GRID2: variants seen among roughly 807,000 people sequenced by gnomAD.
The protein encoded by GRID2 is glutamate receptor ionotropic, delta-2.
A neutral mutation model predicts 114.8 loss-of-function variants in GRID2; 33 were observed. The ratio of observed to expected loss-of-function variants is 0.29; its 90% CI spans 0.22 to 0.38. GRID2 has a LOEUF of 0.38. Ranked by LOEUF, GRID2 falls within the 10% of genes least tolerant of loss-of-function variation. GRID2 has a pLI of 1.00. For synonymous variants in GRID2, 505 were observed against 449.9 expected, an observed-to-expected ratio of 1.12 and a Z score of -1.55; for missense variants, 1,184 against 1,257.7, an observed-to-expected ratio of 0.94 and a Z score of 0.89.
intron 2 of GRID2, among the ~76,000 whole-genome samples, chr4:92,858,050 G>A (rs771501397): frequency 5.3e-5 from 8 of 152,088 alleles, no homozygotes; most frequent in Non-Finnish European, 1.0e-4. Flanking sequence ...GCCCACTTTT[G>A]GAGACATAGT....
intron 2 of GRID2, among the ~76,000 whole-genome samples, chr4:92,899,662 A>G (rs1004796275): frequency 6.6e-6 from 1 of 152,216 alleles, no homozygotes; most frequent in African/African-American, 2.4e-5. Context: ...TCAGACCAAA[A>G]AATAAGCAAA....
chr4:92,482,008 ATATATATATATATATATATATATAT>A (rs1722630118), intron 1 of GRID2, among the ~76,000 whole-genome samples: 3 of 63,656 alleles, frequency 4.7e-5, no homozygotes, highest in South Asian at 1.0e-3. Flanking sequence ...ATATATATAT[ATATATATATATATATATATATATAT>A]AAAATAACAA....
At chr4:92,921,170 T>C (rs566124200) in intron 2 of GRID2, among the ~76,000 whole-genome samples, 1 of 152,310 alleles carries the variant, frequency 6.6e-6, no homozygotes, top group Non-Finnish European at 1.5e-5. Context: ...ATTCATCATG[T>C]AGTTCTCATG....
Position 92,461,433 on chromosome 4 carries a change from G to C in GRID2, c.89-128698G>C, listed in dbSNP as rs541942014. 1.3e-3 allele frequency among the ~76,000 whole-genome samples: 196 copies of C among 152,056 alleles called. 1 individual carries two copies. The highest frequency in any genetic ancestry group is 4.3e-3 in the African/African-American group (180 of 41,520). Reference sequence around the variant, plus strand: ...CCTATTGACAATGTTAACTGAGGACGTGTTGTGTTTGCCATTTTTTTCTAG... The same window carrying C: ...CCTATTGACAATGTTAACTGAGGACCTGTTGTGTTTGCCATTTTTTTCTAG... On this transcript the variant is annotated intron_variant, in intron 1 of 15. Transcript: ENST00000282020.
At chr4:93,042,295 C>A (rs200893420) in intron 2 of GRID2, among the ~76,000 whole-genome samples, 362 of 95,154 alleles carry the variant, frequency 3.8e-3, no homozygotes, top group Non-Finnish European at 5.0e-3. Context: ...CTCTCTCTCT[C>A]TCTCTATATA....
chr4:93,294,009 G>A (rs2149152884), intron 8 of GRID2, among the ~76,000 whole-genome samples: 1 of 152,270 alleles, frequency 6.6e-6, no homozygotes, highest in South Asian at 2.1e-4. Flanking sequence ...CAGGGACAAT[G>A]GATAGTGAAT....
At chr4:93,316,435 A>AAAGC (rs967768370) in intron 8 of GRID2, among the ~76,000 whole-genome samples, 2 of 152,004 alleles carry the variant, frequency 1.3e-5, no homozygotes, top group African/African-American at 4.8e-5. Flanking sequence ...AAGAAAGAAA[A>AAAGC]AAGCCTTTTG....
chr4:93,022,114 C>A (rs1366992332), intron 2 of GRID2, among the ~76,000 whole-genome samples: 1 of 151,642 alleles, frequency 6.6e-6, no homozygotes, highest in Non-Finnish European at 1.5e-5. Flanking sequence ...AAAAATCTTT[C>A]CATAGATATT....
rs148256415 is a variant in GRID2 at position 92,826,966 on chromosome 4, C to A, written c.244+236680C>A. Among the ~76,000 whole-genome samples, 829 of 152,058 alleles carry A rather than the reference C, an allele frequency of 5.5e-3. 13 individuals carry two copies. Among genetic ancestry groups the A allele is most frequent in the African/African-American group, 0.019 (789 of 41,522 alleles). On this transcript the variant is annotated intron_variant, in intron 2 of 15. Transcript: ENST00000282020. ...GAGTTCATTGATATGTTTCAGGTTC[C>A]ATATTCTAACTGAGATAGGAGTTTT...
chr4:93,292,255 G>A (rs1302663040), intron 8 of GRID2, among the ~76,000 whole-genome samples: 1 of 152,130 alleles, frequency 6.6e-6, no homozygotes, highest in Non-Finnish European at 1.5e-5. Flanking sequence ...ATAAGGGGCT[G>A]GGGTACTGTC....
At chr4:92,771,756 G>A (rs1378691662) in intron 2 of GRID2, among the ~76,000 whole-genome samples, 2 of 152,138 alleles carry the variant, frequency 1.3e-5, no homozygotes, top group African/African-American at 2.4e-5. Flanking sequence ...TCCAGATTGA[G>A]CTGTCAAGAA....
At chr4:93,282,798 C>T (rs961000969) in intron 8 of GRID2, among the ~76,000 whole-genome samples, 17 of 151,922 alleles carry the variant, frequency 1.1e-4, no homozygotes, top group African/African-American at 3.9e-4. Context: ...GTTGTACAGG[C>T]CCCTCACCTG....
chr4:92,415,730 G>T (rs1270877963), intron 1 of GRID2, among the ~76,000 whole-genome samples: 4 of 87,558 alleles, frequency 4.6e-5, no homozygotes, highest in Admixed American at 2.9e-4. Flanking sequence ...GTGTGTGTGT[G>T]TGTATGTGTG....
chr4:92,503,098 T>A (rs1350540896), intron 1 of GRID2, among the ~76,000 whole-genome samples: 1 of 152,154 alleles, frequency 6.6e-6, no homozygotes, highest in African/African-American at 2.4e-5. Context: ...ATCACAGTTT[T>A]ATGTAAACGC....
chr4:93,620,927 C>T (rs1374708363), intron 13 of GRID2, among the ~76,000 whole-genome samples: 1 of 152,028 alleles, frequency 6.6e-6, no homozygotes, highest in Non-Finnish European at 1.5e-5. Context: ...ATTAATTTCC[C>T]TTTTCTTTTA....
At chr4:92,447,135 T>G (rs1733511317) in intron 1 of GRID2, among the ~76,000 whole-genome samples, 1 of 152,230 alleles carries the variant, frequency 6.6e-6, no homozygotes, top group Non-Finnish European at 1.5e-5. Flanking sequence ...CAGATAGTAA[T>G]GCATTGGGTT....
intron 1 of GRID2, among the ~76,000 whole-genome samples, chr4:92,482,939 CTAA>C (rs1177713354): frequency 1.3e-5 from 2 of 152,186 alleles, no homozygotes; most frequent in South Asian, 2.1e-4. Flanking sequence ...ACTATAAATA[CTAA>C]TAATATGTTG....
chr4:92,597,502 A>G (rs79577014), intron 2 of GRID2, among the ~76,000 whole-genome samples: 13 of 152,264 alleles, frequency 8.5e-5, no homozygotes, highest in Non-Finnish European at 1.8e-4. Context: ...GTTACCTCAT[A>G]AAATATATAT....
chr4:92,498,915 G>C (rs1030721927), intron 1 of GRID2, among the ~76,000 whole-genome samples: 2 of 102,526 alleles, frequency 2.0e-5, no homozygotes, highest in Non-Finnish European at 3.8e-5. Flanking sequence ...AATGAGACAA[G>C]AACTTATTTA....
Sources: allele counts gnomAD v4.1 joint callset (sites outside exome capture counted in the v4.1 genomes callset), GRCh38; gene constraint gnomAD v4.1.1; transcripts MANE v1.5; gene names NCBI Gene and HGNC (gene_info 2026-07-23, HGNC 2026-07-21).